CCNF: variants seen among roughly 807,000 people sequenced by gnomAD.
CCNF encodes the protein cyclin-F.
A neutral mutation model predicts 85.4 loss-of-function variants in CCNF; 30 were observed. The ratio of observed to expected loss-of-function variants is 0.35; its 90% CI spans 0.26 to 0.48. CCNF has a LOEUF of 0.48. Ranked by LOEUF, CCNF falls within the 20% of genes least tolerant of loss-of-function variation. CCNF has a pLI of 0.99. For synonymous variants in CCNF, 439 were observed against 425.1 expected (o/e 1.03, Z -0.40); for missense variants, 919 against 1,010.4 (o/e 0.91, Z 1.23).
At chr16:2,443,480 A>G (rs2065343751) in intron 8 of CCNF, among the ~76,000 whole-genome samples, 169 bp from the exon 9 acceptor site, 1 of 152,132 alleles carries the variant, frequency 6.6e-6, no homozygotes, top group South Asian at 2.1e-4. Flanking sequence ...TACAAAAAGG[A>G]ATAATAATTA....
At chr16:2,441,971 A>G (rs1200254906) in intron 8 of CCNF, among the ~76,000 whole-genome samples, 14 of 100,804 alleles carry the variant, frequency 1.4e-4, no homozygotes, top group South Asian at 3.2e-4. Flanking sequence ...ATATATATAT[A>G]TATATATATA....
In CCNF at chr16:2,429,504, G is replaced by A; in HGVS notation, c.16+7G>A. The A allele has an allele frequency of 8.1e-7, 1 of 1,231,036 alleles. No homozygotes were observed. Among genetic ancestry groups the A allele is most frequent in the East Asian group, 3.2e-5 (1 of 31,440 alleles). 76.3% of individuals were successfully genotyped at this position (1,231,036 alleles called of 1,614,324 possible). A position where few individuals can be genotyped will look rare whatever the true frequency, so the allele number is the denominator to read the frequency against. On this transcript the variant is annotated splice_region_variant and intron_variant, in intron 1 of 16. Coordinates refer to ENST00000397066, the MANE Select transcript of CCNF (RefSeq NM_001761.3). ...GCGATGGGGAGCGGCGGCGGTGAGT[G>A]CGGGGCGATGTCCGCTGGTTTCTGC...
At chr16:2,442,430 AT>A (rs1173181841) in intron 8 of CCNF, among the ~76,000 whole-genome samples, 469 of 20,506 alleles carry the variant, frequency 0.023, 70 homozygotes, top group East Asian at 0.063. Context: ...ATATAATATT[AT>A]TATATATAAT....
chr16:2,449,806 C>CCTCCACCG, intron 12 of CCNF, 22 bp from the exon 13 acceptor site: 1 of 1,542,924 alleles, frequency 6.5e-7, no homozygotes, highest in South Asian at 1.1e-5. Context: ...CCCCTCCACC[C>CCTCCACCG]CTGGCCTGCT....
rs778842501 is a variant in CCNF at position 2,437,848 on chromosome 16, G to C, written c.541-222G>C. The C allele has an allele frequency of 7.7e-6, 4 of 520,282 alleles. No individual in the cohort carries two copies. The Admixed American group carries it at 1.3e-4, about 17-fold the overall frequency. 32.2% of individuals were successfully genotyped at this position (520,282 alleles called of 1,614,324 possible). ...TGGGAGGTTGAGCTTGCAATGAGCCGTGACTATGCCAATGCACTCCAGCCT... is the reference window on the plus strand; with the variant it reads ...TGGGAGGTTGAGCTTGCAATGAGCCCTGACTATGCCAATGCACTCCAGCCT... On this transcript the variant is annotated intron_variant, in intron 5 of 16. Transcript: ENST00000397066.
Position 2,456,798 on chromosome 16 carries a change from C to T in CCNF, c.2139C>T (p.Ser713=), listed in dbSNP as rs569659166. 30 of 1,613,882 alleles carry T rather than the reference C, an allele frequency of 1.9e-5. 1 individual carries two copies. The South Asian group carries it at 2.5e-4, about 14-fold the overall frequency. The part of the protein sequence containing the change: ...SSVSTASPTS[S]VDGGLGALPQ... ...TCAGCACCGCAAGTCCCACAAGCTC[C>T]GTGGACGGTGGCTTGGGGGCCCTGC... The change falls in exon 17 of 17, where the codon TCC becomes TCT. Residue 713 remains serine, a synonymous_variant. Coordinates refer to ENST00000397066, the MANE Select transcript of CCNF (RefSeq NM_001761.3). The surrounding 1 kb of genome is among the most constrained non-coding windows in gnomAD (Gnocchi z 4.5).
Position 2,452,902 on chromosome 16 carries a change from C to T in CCNF, c.1488-308C>T. ...TCTTTTTCATGGCTGAATAATATTC[C>T]CCTGCATGGACCACATGTGTTTATC... On this transcript the variant is annotated intron_variant, in intron 13 of 16. Coordinates refer to ENST00000397066, the MANE Select transcript of CCNF (RefSeq NM_001761.3). The surrounding 1 kb of genome is among the most constrained non-coding windows in gnomAD (Gnocchi z 4.1). 1 of 416,296 alleles carries T rather than the reference C, an allele frequency of 2.4e-6. No homozygotes were observed. Among genetic ancestry groups the T allele is most frequent in the South Asian group, 2.7e-5 (1 of 37,032 alleles). The allele number at this position is 416,296 out of a possible 1,614,324, so 25.8% of individuals were successfully genotyped here.
intron 15 of CCNF, among the ~76,000 whole-genome samples, chr16:2,454,007 C>G (rs918862684): frequency 6.6e-6 from 1 of 152,180 alleles, no homozygotes; most frequent in Non-Finnish European, 1.5e-5. Context: ...AGTTAACTTC[C>G]TCTTTCTACC....
In CCNF at chr16:2,453,290, G is replaced by A. The variant is rs748970301; in HGVS notation, c.1568G>A (p.Gly523Glu). 1 of 1,613,938 alleles carries A rather than the reference G, an allele frequency of 6.2e-7. No individual in the cohort carries two copies. Among genetic ancestry groups the A allele is most frequent in the Non-Finnish European group, 8.5e-7 (1 of 1,180,028 alleles). Reference protein sequence around the residue: ...VKQRFEDKRYGEISQEEVLSY... With the variant: ...VKQRFEDKRYEEISQEEVLSY... The stretch of plus-strand genomic sequence containing the variant: ...CAGCGGTTTGAGGACAAGCGCTATG[G>A]AGAAATCAGCCAGGAAGAGGTGCCT... Residue 523 changes from glycine (G) to glutamate (E), a missense_variant, in exon 14 of 17, where the codon GGA becomes GAA. Transcript: ENST00000397066. The surrounding 1 kb of genome is among the most constrained non-coding windows in gnomAD (Gnocchi z 5.6).
intron 8 of CCNF, among the ~76,000 whole-genome samples, chr16:2,441,015 C>T (rs905346420): frequency 3.9e-5 from 6 of 151,946 alleles, no homozygotes; most frequent in Non-Finnish European, 7.4e-5. Context: ...GGGCGGATCA[C>T]GAGGTCAAGA....
rs1567385673 is a variant in CCNF, at chr16:2,441,957, ATATATATAT to A, written c.778-1691_778-1683del. ...GCAAATTATATATATATATATATATATATATATATATATATATATATATATGTTTTTGTT... is the reference window on the plus strand; with the variant it reads ...GCAAATTATATATATATATATATATAATATATATATATATATGTTTTTGTT... On this transcript the variant is annotated intron_variant, in intron 8 of 16. Transcript: ENST00000397066. Among the ~76,000 whole-genome samples the A allele has an allele frequency of 2.4e-5, 3 of 124,884 alleles. No individual in the cohort carries two copies. In the East Asian group the frequency reaches 7.7e-4, roughly 32 times the overall value. The allele number at this position is 124,884 out of a possible 152,430, so 81.9% of individuals were successfully genotyped here.
intron 9 of CCNF, among the ~76,000 whole-genome samples, chr16:2,445,165 A>C (rs1403734350): frequency 6.6e-6 from 1 of 152,184 alleles, no homozygotes; most frequent in Admixed American, 6.5e-5. Context: ...CTGTGGGCAG[A>C]CCAACGGCTG....
chr16:2,454,838 T>G (rs1171296923), intron 15 of CCNF, among the ~76,000 whole-genome samples: 1 of 152,078 alleles, frequency 6.6e-6, no homozygotes, highest in African/African-American at 2.4e-5. Context: ...GGTGGGCGGA[T>G]CACCTGAAGT....
At chr16:2,437,850 G>A (rs989411629) in intron 5 of CCNF, 4 of 512,044 alleles carry the variant, frequency 7.8e-6, no homozygotes, top group Non-Finnish European at 1.4e-5. Flanking sequence ...AATGAGCCGT[G>A]ACTATGCCAA....
Position 2,455,057 on chromosome 16 carries a change from CAAA to C in CCNF, c.1716-315_1716-313del, listed in dbSNP as rs113432361. Among the ~76,000 whole-genome samples the C allele has an allele frequency of 9.7e-3, 460 of 47,220 alleles. 1 individual carries two copies. The highest frequency in any genetic ancestry group is 0.032 in the African/African-American group (407 of 12,536). The allele number at this position is 47,220 out of a possible 152,430, so 31.0% of individuals were successfully genotyped here. A position where few individuals can be genotyped will look rare whatever the true frequency, so the allele number is the denominator to read the frequency against. On this transcript the variant is annotated intron_variant, in intron 15 of 16. Transcript: ENST00000397066. ...CCTGGGCGACAGAGCAAGAACACCT[CAAA>C]AAAAAAAAAAAAAAAAAAAAAACAC...
rs113675906 is a variant in CCNF at position 2,445,398 on chromosome 16, C to T, written c.930-60C>T. ...CGGGCCCAACAGGTGGGGTTGAAAT[C>T]GCAGACAGGGACACATGGAGAACGC... On this transcript the variant is annotated intron_variant, in intron 9 of 16. Coordinates refer to ENST00000397066, the MANE Select transcript of CCNF (RefSeq NM_001761.3). The T allele has an allele frequency of 1.3e-4, 199 of 1,581,094 alleles. No homozygotes were observed. The African/African-American group carries it at 2.0e-3, about 16-fold the overall frequency.
At chr16:2,445,113 T>C (rs928740058) in intron 9 of CCNF, among the ~76,000 whole-genome samples, 3 of 152,188 alleles carry the variant, frequency 2.0e-5, no homozygotes, top group African/African-American at 7.2e-5. Flanking sequence ...ACTGTCCACC[T>C]TCTCCCGCTC....
At chr16:2,449,681 C>T (rs1227267173) in intron 12 of CCNF, 147 bp from the exon 13 acceptor site, 1 of 710,806 alleles carries the variant, frequency 1.4e-6, no homozygotes, top group Non-Finnish European at 2.4e-6. Context: ...AAAAGGATTG[C>T]AACCCTGAGC....
rs1326879825 is a variant in CCNF, at chr16:2,443,167, AAT to A, written c.778-472_778-471del. The stretch of plus-strand genomic sequence containing the variant: ...ATTGTATATAATATATATTATATAT[AAT>A]ATATATATAATATATAATATATATA... On this transcript the variant is annotated intron_variant, in intron 8 of 16. Transcript: ENST00000397066. 1.1e-3 allele frequency among the ~76,000 whole-genome samples: 11 copies of A among 9,608 alleles called. No homozygotes were observed. In the African/African-American group the frequency reaches 0.012, roughly 10 times the overall value. 6.3% of individuals were successfully genotyped at this position (9,608 alleles called of 152,430 possible).
Sources: gnomAD v4.1 joint callset for allele counts (sites outside exome capture counted in the v4.1 genomes callset) on GRCh38, gnomAD v4.1.1 for gene constraint, Gnocchi (gnomAD v3.1) non-coding constraint, MANE v1.5 for transcripts, NCBI Gene and HGNC (gene_info 2026-07-23, HGNC 2026-07-21) for gene names.